CAMTA1: variants seen among roughly 807,000 people sequenced by gnomAD.
CAMTA1 encodes the protein calmodulin-binding transcription activator 1.
A neutral mutation model predicts 170.9 loss-of-function variants in CAMTA1; 27 were observed. The observed-to-expected ratio is 0.16, with a 90% CI of 0.12 to 0.22. The LOEUF (loss-of-function observed/expected upper bound fraction) is 0.22. Among genes scored for constraint, CAMTA1 ranks in the 10% least tolerant of loss-of-function variants. The pLI, the probability that CAMTA1 is intolerant of heterozygous loss-of-function variation, is 1.00. For synonymous variants in CAMTA1, 833 were observed against 891.5 expected (o/e 0.93, Z 1.17); for missense variants, 1,619 against 2,217.2 (o/e 0.73, Z 5.42).
intron 3 of CAMTA1, among the ~76,000 whole-genome samples, chr1:6,976,554 G>A (rs1693462474): frequency 6.6e-6 from 1 of 152,166 alleles, no homozygotes; most frequent in African/African-American, 2.4e-5. Context: ...CCACGTGAAA[G>A]CCAGGCTCTC....
intron 6 of CAMTA1, among the ~76,000 whole-genome samples, chr1:7,619,468 C>T (rs2150752230): frequency 6.6e-6 from 1 of 152,216 alleles, no homozygotes; most frequent in African/African-American, 2.4e-5. Flanking sequence ...TCTGCAGCTC[C>T]TACCAGTGAA....
At position 7,224,664 on chromosome 1, in the gene CAMTA1, G is replaced by A. The variant is rs1278665380; in HGVS notation, c.303-24827G>A. Among the ~76,000 whole-genome samples the A allele has an allele frequency of 1.3e-5, 2 of 152,048 alleles. No homozygotes were observed. Among genetic ancestry groups the A allele is most frequent in the African/African-American group, 4.8e-5 (2 of 41,412 alleles). ...GGAGGCGTGACACCCGCGCCTCTCC[G>A]CTGGTGTCATTGATTGCTAAGGGCA... On this transcript the variant is annotated intron_variant, in intron 4 of 22. Transcript: ENST00000303635. This position sits in a 1 kb window ranked among gnomAD's most constrained non-coding sequence, Gnocchi z 5.2.
chr1:6,961,448 G>A (rs746065132), intron 3 of CAMTA1, among the ~76,000 whole-genome samples: 3 of 152,072 alleles, frequency 2.0e-5, no homozygotes, highest in Non-Finnish European at 4.4e-5. Flanking sequence ...CTTGGGTGCT[G>A]GGCCGGCAAG....
chr1:7,277,777 T>A (rs1670959487), intron 5 of CAMTA1, among the ~76,000 whole-genome samples: 1 of 151,598 alleles, frequency 6.6e-6, no homozygotes, highest in South Asian at 2.1e-4. Flanking sequence ...ACACACACTT[T>A]TTTTTTTTAC....
At chr1:6,915,095 T>G (rs1680505117) in intron 3 of CAMTA1, among the ~76,000 whole-genome samples, 1 of 152,206 alleles carries the variant, frequency 6.6e-6, no homozygotes, top group African/African-American at 2.4e-5. Flanking sequence ...GCCTTCTGAT[T>G]TATTTTTCAA....
chr1:6,841,823 A>G (rs549049915), intron 3 of CAMTA1, among the ~76,000 whole-genome samples: 26 of 152,322 alleles, frequency 1.7e-4, no homozygotes, highest in Non-Finnish European at 3.2e-4. Flanking sequence ...GTTATTTTTA[A>G]TAGAACAGCA....
chr1:7,498,327 AGT>A (rs767388358), intron 6 of CAMTA1, among the ~76,000 whole-genome samples: 3 of 148,380 alleles, frequency 2.0e-5, no homozygotes, highest in Admixed American at 6.7e-5. Context: ...TGTAAGAGTG[AGT>A]GTGGATGTGT....
intron 6 of CAMTA1, among the ~76,000 whole-genome samples, chr1:7,493,309 GCA>G (rs993770128): frequency 1.4e-5 from 1 of 70,222 alleles, no homozygotes; most frequent in Non-Finnish European, 2.5e-5. Context: ...ATACAAATGC[GCA>G]CACAAACAAA....
chr1:7,493,016 AACAC>A (rs1220455467), intron 6 of CAMTA1, among the ~76,000 whole-genome samples: 1 of 122,656 alleles, frequency 8.2e-6, no homozygotes, highest in Non-Finnish European at 1.7e-5. Context: ...CAAACCTACA[AACAC>A]ACATGCACGC....
rs185478494 is a variant in CAMTA1 at position 7,618,301 on chromosome 1, C to T, written c.511-22099C>T. 2.6e-5 allele frequency among the ~76,000 whole-genome samples: 4 copies of T among 152,352 alleles called. No individual in the cohort carries two copies. In the East Asian group the frequency reaches 5.8e-4, roughly 22 times the overall value. On this transcript the variant is annotated intron_variant, in intron 6 of 22. Transcript: ENST00000303635. Reference sequence around the variant, plus strand: ...TCTCAGCCTATATCACCTCCCAAGCCAGACCAGATTCCACCCTGTGCCAAG... The same window carrying T: ...TCTCAGCCTATATCACCTCCCAAGCTAGACCAGATTCCACCCTGTGCCAAG...
chr1:7,045,805 C>T (rs1705290103), intron 3 of CAMTA1, among the ~76,000 whole-genome samples: 3 of 152,206 alleles, frequency 2.0e-5, no homozygotes, highest in African/African-American at 7.2e-5. Flanking sequence ...TGGAGTTAAG[C>T]ACATCCTTCC....
rs1033474007 is a variant in CAMTA1, at chr1:7,333,948, C to A, written c.438+84322C>A. Among the ~76,000 whole-genome samples, 1 of 152,154 alleles carries A rather than the reference C, an allele frequency of 6.6e-6. No homozygotes were observed. The highest frequency in any genetic ancestry group is 1.5e-5 in the Non-Finnish European group (1 of 68,038). ...AAACTGCCAAGCAGCAGGGCCGCCT[C>A]TCTTTAGACTCCTGGGGCTCTCTGC... On this transcript the variant is annotated intron_variant, in intron 5 of 22. Transcript: ENST00000303635. The surrounding 1 kb of genome is among the most constrained non-coding windows in gnomAD (Gnocchi z 4.4).
chr1:7,437,753 G>T (rs781373296), intron 5 of CAMTA1, among the ~76,000 whole-genome samples: 1 of 152,214 alleles, frequency 6.6e-6, no homozygotes, highest in Non-Finnish European at 1.5e-5. Flanking sequence ...ACAGGGTGCT[G>T]CCTCCCCAGC....
rs149546451 is a variant in CAMTA1 at position 7,424,801 on chromosome 1, T to G, written c.439-43029T>G. On this transcript the variant is annotated intron_variant, in intron 5 of 22. Transcript: ENST00000303635. The stretch of plus-strand genomic sequence containing the variant: ...GGGTCCTTGGCCAAGTTCAACAGTC[T>G]GGGCCTGCAGTGGGGAAGCCATCCC... Among the ~76,000 whole-genome samples, 333 of 152,196 alleles carry G rather than the reference T, an allele frequency of 2.2e-3. 6 individuals are homozygous for G. Among genetic ancestry groups the G allele is most frequent in the South Asian group, 0.013 (62 of 4,814 alleles).
At position 7,424,646 on chromosome 1, in the gene CAMTA1, T is replaced by C. The variant is rs920661286; in HGVS notation, c.439-43184T>C. ...TGGCACTTTCTCATGGGCTAAACCC[T>C]CTCCTTCCTTCCTCTCAGTCTCTGG... On this transcript the variant is annotated intron_variant, in intron 5 of 22. Coordinates refer to ENST00000303635, the MANE Select transcript of CAMTA1 (RefSeq NM_015215.4). Among the ~76,000 whole-genome samples the C allele has an allele frequency of 4.1e-4, 62 of 152,058 alleles. 1 individual carries two copies. Among genetic ancestry groups the C allele is most frequent in the Admixed American group, 4.0e-3 (61 of 15,258 alleles).
In CAMTA1 at chr1:7,736,830, A is replaced by C; in HGVS notation, c.3264-101A>C. On this transcript the variant is annotated intron_variant, in intron 13 of 22. Transcript: ENST00000303635. This position sits in a 1 kb window ranked among gnomAD's most constrained non-coding sequence, Gnocchi z 4.5. ...TGTTTCTTCACCATGGGGATGTTATATACCCAGTTGGGTTTCATCTTGGTG... is the reference window on the plus strand; with the variant it reads ...TGTTTCTTCACCATGGGGATGTTATCTACCCAGTTGGGTTTCATCTTGGTG... 1.1e-6 allele frequency: 1 copy of C among 949,736 alleles called. No individual in the cohort carries two copies. The highest frequency in any genetic ancestry group is 2.6e-5 in the East Asian group (1 of 38,612). 58.8% of individuals were successfully genotyped at this position (949,736 alleles called of 1,614,324 possible). A position where few individuals can be genotyped will look rare whatever the true frequency, so the allele number is the denominator to read the frequency against.
At chr1:7,082,232 G>A (rs961267907) in intron 3 of CAMTA1, among the ~76,000 whole-genome samples, 1 of 152,118 alleles carries the variant, frequency 6.6e-6, no homozygotes, top group African/African-American at 2.4e-5. Context: ...GAGGTCAGGA[G>A]TTTGAGGCCA....
At position 7,580,352 on chromosome 1, in the gene CAMTA1, T is replaced by G. The variant is rs72867126; in HGVS notation, c.511-60048T>G. 2.9e-3 allele frequency among the ~76,000 whole-genome samples: 439 copies of G among 151,510 alleles called. 2 individuals carry two copies. The highest frequency in any genetic ancestry group is 0.01 in the African/African-American group (420 of 41,228). The stretch of plus-strand genomic sequence containing the variant: ...GGAGGAGCTTTCTGGAAGGAAGCCC[T>G]GTGAATGAGGGGAACCCAGGGAGGA... On this transcript the variant is annotated intron_variant, in intron 6 of 22. Transcript: ENST00000303635. This position sits in a 1 kb window ranked among gnomAD's most constrained non-coding sequence, Gnocchi z 4.3.
At chr1:7,498,594 CGT>C (rs762311973) in intron 6 of CAMTA1, among the ~76,000 whole-genome samples, 33 of 151,084 alleles carry the variant, frequency 2.2e-4, no homozygotes, top group East Asian at 1.6e-3. Context: ...TGTGTGTGTA[CGT>C]GTGAGTGTGA....
Sources: gnomAD v4.1 joint callset for allele counts (sites outside exome capture counted in the v4.1 genomes callset) on GRCh38, gnomAD v4.1.1 for gene constraint, Gnocchi (gnomAD v3.1) non-coding constraint, MANE v1.5 for transcripts, NCBI Gene and HGNC (gene_info 2026-07-23, HGNC 2026-07-21) for gene names.